Variants in UROC1 observed in about 807,000 individuals in gnomAD.
The protein encoded by UROC1 is urocanate hydratase 1.
UROC1 carries 79 observed loss-of-function variants against 89.5 expected under a neutral mutation model. The ratio of observed to expected loss-of-function variants is 0.88; its 90% CI spans 0.74 to 1.06. The LOEUF is 1.06. UROC1 is among the 50% of genes least tolerant of loss of function. The probability of loss-of-function intolerance (pLI) is 0.00; values close to 1 mark genes in which losing one functional copy is unlikely to be tolerated. For synonymous variants in UROC1, 361 were observed against 354.8 expected, an observed-to-expected ratio of 1.02 and a Z score of -0.20; for missense variants, 885 against 907.8, an observed-to-expected ratio of 0.97 and a Z score of 0.32.
In UROC1 at chr3:126,510,800, G is replaced by T. The variant is rs544887624; in HGVS notation, c.127-6C>A. 3.7e-6 allele frequency: 6 copies of T among 1,612,346 alleles called. No individual in the cohort carries two copies. The South Asian group carries it at 6.6e-5, about 18-fold the overall frequency. ...AGGGCGTTCCTCAGCGCCAGCTGGGGTAGGAGAGCGGAGAGGCAGTCGGGG... is the reference window on the plus strand; with the variant it reads ...AGGGCGTTCCTCAGCGCCAGCTGGGTTAGGAGAGCGGAGAGGCAGTCGGGG... On this transcript the variant is annotated splice_polypyrimidine_tract_variant and splice_region_variant and intron_variant, in intron 1 of 19. Coordinates refer to ENST00000290868, the MANE Select transcript of UROC1 (RefSeq NM_144639.3).
chr3:126,509,092 T>C (rs1936134103), intron 3 of UROC1, among the ~76,000 whole-genome samples: 1 of 152,010 alleles, frequency 6.6e-6, no homozygotes, highest in Non-Finnish European at 1.5e-5. Flanking sequence ...ATTTTGGATC[T>C]GGGCATGGTG....
chr3:126,503,937 G>A (rs773546923), intron 9 of UROC1, 58 bp downstream of exon 9: 5 of 1,598,876 alleles, frequency 3.1e-6, no homozygotes, highest in Non-Finnish European at 4.3e-6. Context: ...GTCCTCTTGT[G>A]GTCTCCTGCT....
At chr3:126,502,908 GTGTA>G (rs889981593) in intron 9 of UROC1, among the ~76,000 whole-genome samples, 2 of 151,352 alleles carry the variant, frequency 1.3e-5, no homozygotes, top group African/African-American at 2.4e-5. Flanking sequence ...TGCATTCTCT[GTGTA>G]TGTATGTGCA....
chr3:126,514,864 C>T (rs1167357246), intron 1 of UROC1, among the ~76,000 whole-genome samples: 7 of 151,906 alleles, frequency 4.6e-5, no homozygotes, highest in South Asian at 2.1e-4. Context: ...AATAAGGCCC[C>T]GGTGACTTCA....
At chr3:126,490,389 T>C (rs374843347) in intron 16 of UROC1, among the ~76,000 whole-genome samples, 15 of 152,272 alleles carry the variant, frequency 9.9e-5, no homozygotes, top group African/African-American at 3.6e-4. Context: ...GCAGGCCTGC[T>C]ATGAAAAGGA....
At chr3:126,483,188 A>T (rs1027968799) in intron 19 of UROC1, among the ~76,000 whole-genome samples, 181 bp downstream of exon 19, 3 of 152,004 alleles carry the variant, frequency 2.0e-5, no homozygotes, top group Non-Finnish European at 4.4e-5. Context: ...TCTCCCCATC[A>T]TCACCTGACC....
chr3:126,482,132 G>A lies in UROC1; in HGVS notation c.*213C>T, dbSNP rs960448042. Reference sequence around the variant, plus strand: ...TTCAGGGCTCCCATGCAAGTGGCATGGTTGTGGACAGAGAGCTGCATGTCT... The same window carrying A: ...TTCAGGGCTCCCATGCAAGTGGCATAGTTGTGGACAGAGAGCTGCATGTCT... On this transcript the variant is annotated 3_prime_UTR_variant, in exon 20 of 20. Coordinates refer to ENST00000290868, the MANE Select transcript of UROC1 (RefSeq NM_144639.3). The A allele has an allele frequency of 1.6e-4, 109 of 662,166 alleles. No homozygotes were observed. The highest frequency in any genetic ancestry group is 4.2e-4 in the Middle Eastern group (1 of 2,374). The allele number at this position is 662,166 out of a possible 1,614,324, so 41.0% of individuals were successfully genotyped here.
intron 2 of UROC1, among the ~76,000 whole-genome samples, 186 bp from the exon 3 acceptor site, chr3:126,509,864 C>T (rs150623359): frequency 6.6e-6 from 1 of 152,338 alleles, no homozygotes; most frequent in East Asian, 1.9e-4. Flanking sequence ...CAGGCCCCAA[C>T]CCACCCTGCT....
chr3:126,487,665 A>C (rs1175471528), intron 18 of UROC1, among the ~76,000 whole-genome samples: 1 of 152,208 alleles, frequency 6.6e-6, no homozygotes, highest in Non-Finnish European at 1.5e-5. Flanking sequence ...CCAGGAGCCC[A>C]GATCTGGGGA....
chr3:126,490,416 G>A (rs1293270850), intron 16 of UROC1, among the ~76,000 whole-genome samples: 1 of 152,222 alleles, frequency 6.6e-6, no homozygotes, highest in Middle Eastern at 3.2e-3. Context: ...GCCGGGCACA[G>A]TGGCTCATTC....
Position 126,505,637 on chromosome 3 carries a change from AAGGG to A in UROC1, c.813+60_813+63del, listed in dbSNP as rs55684916. The A allele has an allele frequency of 8.1e-3, 12,136 of 1,499,936 alleles. 296 individuals carry two copies. In the African/African-American group the frequency reaches 0.092, roughly 11 times the overall value. The allele number at this position is 1,499,936 out of a possible 1,614,324, so 92.9% of individuals were successfully genotyped here. ...GTGGTGTAAGTGATCCGGGAGGAAGAAGGGAGGGAGGGAGGGAGGGAGGGAGGCA... is the reference window on the plus strand; with the variant it reads ...GTGGTGTAAGTGATCCGGGAGGAAGAAGGGAGGGAGGGAGGGAGGGAGGCA... On this transcript the variant is annotated intron_variant, in intron 8 of 19. Coordinates refer to ENST00000290868, the MANE Select transcript of UROC1 (RefSeq NM_144639.3).
intron 18 of UROC1, among the ~76,000 whole-genome samples, chr3:126,484,441 G>T (rs1416003516): frequency 6.6e-6 from 1 of 152,188 alleles, no homozygotes; most frequent in East Asian, 1.9e-4. Flanking sequence ...TTGCAAATGT[G>T]TCCCTCCTGC....
intron 18 of UROC1, among the ~76,000 whole-genome samples, chr3:126,487,481 G>A (rs1478929016): frequency 6.6e-6 from 1 of 152,220 alleles, no homozygotes; most frequent in Non-Finnish European, 1.5e-5. Flanking sequence ...AAGCCAGCCT[G>A]TCGGAATGCT....
chr3:126,483,232 C>T, intron 19 of UROC1, 137 bp downstream of exon 19: 1 of 778,786 alleles, frequency 1.3e-6, no homozygotes, highest in Non-Finnish European at 2.2e-6. Flanking sequence ...CCCTTCCTGG[C>T]TGCTGTGCTG....
chr3:126,496,702 T>C (rs1935785667), intron 14 of UROC1, among the ~76,000 whole-genome samples: 1 of 152,170 alleles, frequency 6.6e-6, no homozygotes, highest in Non-Finnish European at 1.5e-5. Context: ...GACTGGTAAT[T>C]TTCCAGAAAT....
chr3:126,506,087 G>A, intron 6 of UROC1, 76 bp from the exon 7 acceptor site: 1 of 1,552,600 alleles, frequency 6.4e-7, no homozygotes, highest in Admixed American at 1.7e-5. Context: ...CTCCTTTTAG[G>A]AGGTTGAAAA....
At chr3:126,488,047 G>T in intron 18 of UROC1, 151 bp downstream of exon 18, 1 of 879,534 alleles carries the variant, frequency 1.1e-6, no homozygotes. Flanking sequence ...CTCCGCTCAC[G>T]CAAGGAACAC....
At chr3:126,493,728 T>C (rs1215562559) in intron 15 of UROC1, among the ~76,000 whole-genome samples, 2 of 152,200 alleles carry the variant, frequency 1.3e-5, no homozygotes, top group African/African-American at 4.8e-5. Context: ...CAAAGATGGT[T>C]AAGATGGTAA....
At chr3:126,483,294 GA>G in intron 19 of UROC1, 74 bp downstream of exon 19, 1 of 1,347,236 alleles carries the variant, frequency 7.4e-7, no homozygotes, top group Admixed American at 1.7e-5. Flanking sequence ...GATGCTGTAT[GA>G]CAGCAAACGT....
Sources: allele counts gnomAD v4.1 joint callset (sites outside exome capture counted in the v4.1 genomes callset), GRCh38; gene constraint gnomAD v4.1.1; transcripts MANE v1.5; gene names NCBI Gene and HGNC (gene_info 2026-07-23, HGNC 2026-07-21).